MICU3: variants seen among roughly 807,000 people sequenced by gnomAD.
The protein encoded by MICU3 is mitochondrial calcium uptake 3.
In MICU3, 62 loss-of-function variants were observed where a neutral mutation model predicts 66.5. The observed-to-expected ratio is 0.93, with a 90% confidence interval of 0.76 to 1.15. The LOEUF (loss-of-function observed/expected upper bound fraction) is 1.15. Ranked by LOEUF, MICU3 falls within the 50% of genes most tolerant of loss-of-function variation. MICU3 has a pLI of 0.00. For missense variants in MICU3, 779 were observed against 664.4 expected, an observed-to-expected ratio of 1.17 and a Z score of -1.90; for synonymous variants, 308 against 240.7, an observed-to-expected ratio of 1.28 and a Z score of -2.59.
the MICU3 span, chr8:17,131,389 G>A: frequency 1.2e-5 from 1 of 84,512 alleles, no homozygotes; most frequent in Non-Finnish European, 2.3e-5. Context: ...GAAGTTTCTG[G>A]GGTGCCAGGG....
chr8:17,061,168 T>C (rs961552684), intron 1 of MICU3, among the ~76,000 whole-genome samples: 28 of 151,944 alleles, frequency 1.8e-4, no homozygotes, highest in Admixed American at 2.6e-4. Context: ...GTGGCAGTGG[T>C]TTTGATGTGT....
intron 5 of MICU3, among the ~76,000 whole-genome samples, chr8:17,083,635 A>G (rs568497690): frequency 2.3e-4 from 35 of 152,226 alleles, no homozygotes; most frequent in African/African-American, 8.4e-4. Flanking sequence ...GCAGTTTCAG[A>G]CTTTAAATGA....
chr8:17,135,232 C>A, the MICU3 span, among the ~76,000 whole-genome samples: 2 of 152,074 alleles, frequency 1.3e-5, no homozygotes, highest in African/African-American at 4.8e-5. Flanking sequence ...AACCCCATCC[C>A]TACTAGAAAT....
rs111567148 is a variant in MICU3 at position 17,098,508 on chromosome 8, A to C, written c.939A>C (p.Thr313=). Residue 313 remains threonine (T), a synonymous_variant, in exon 9 of 15, where the codon ACA becomes ACC. Transcript: ENST00000318063. ...EELVSRSYWD[T]LRRNTSQALF... ...TTGTCTCCAGAAGCTATTGGGATAC[A>C]CTGAGACGTAACACAAGCCAAGCAC... The C allele has an allele frequency of 3.1e-6, 5 of 1,611,758 alleles. No individual in the cohort carries two copies. In the African/African-American group the frequency reaches 6.7e-5, roughly 22 times the overall value.
intron 12 of MICU3, 71 bp from the exon 13 acceptor site, chr8:17,116,372 C>A: frequency 9.7e-7 from 1 of 1,028,900 alleles, no homozygotes; most frequent in Non-Finnish European, 1.3e-6. Context: ...TCTTTTACAA[C>A]CTTTCTAGTA....
the MICU3 span, chr8:17,131,415 A>C: frequency 6.6e-6 from 1 of 152,242 alleles, no homozygotes; most frequent in African/African-American, 2.4e-5. Flanking sequence ...ATCCACAGAA[A>C]AGTGGAGTCT....
At chr8:17,048,880 G>C (rs1414446249) in intron 1 of MICU3, among the ~76,000 whole-genome samples, 1 of 152,134 alleles carries the variant, frequency 6.6e-6, no homozygotes, top group Non-Finnish European at 1.5e-5. Context: ...CAGCCTCCCA[G>C]AGTGCTGAGA....
At chr8:17,087,351 G>A (rs1486527077) in intron 7 of MICU3, among the ~76,000 whole-genome samples, 2 of 151,966 alleles carry the variant, frequency 1.3e-5, no homozygotes, top group African/African-American at 4.8e-5. Flanking sequence ...ATTTAAAGGT[G>A]AATTGCAAAG....
chr8:17,076,086 G>A (rs1331981511), intron 3 of MICU3, among the ~76,000 whole-genome samples: 2 of 151,974 alleles, frequency 1.3e-5, no homozygotes, highest in East Asian at 3.9e-4. Flanking sequence ...GAGTGCAGTG[G>A]TGTGATCATG....
chr8:17,124,716 C>T (rs973092627), downstream of MICU3, among the ~76,000 whole-genome samples: 1 of 151,742 alleles, frequency 6.6e-6, no homozygotes, highest in South Asian at 2.1e-4. Flanking sequence ...CTGAAAACAC[C>T]TTTATTGTAC....
At chr8:17,133,237 G>A in the MICU3 span, among the ~76,000 whole-genome samples, 1 of 151,690 alleles carries the variant, frequency 6.6e-6, no homozygotes, top group East Asian at 1.9e-4. Context: ...CTATCTAGTT[G>A]TTTGTTTGTT....
chr8:17,098,540 C>G lies in MICU3; in HGVS notation c.971C>G (p.Ser324Ter). Residue 324 changes from serine (S) to a stop codon, truncating the protein, a stop_gained, in exon 9 of 15, where the codon TCA (serine) becomes TGA (stop). Coordinates refer to ENST00000318063, the MANE Select transcript of MICU3 (RefSeq NM_181723.3). LOFTEE classifies it high-confidence loss of function. ...LRRNTSQALF[S>*]DLAERADDIT... Reference sequence around the variant, plus strand: ...CGTAACACAAGCCAAGCACTGTTTTCAGACCTCGCAGAGGTATAATTAAAC... The same window carrying G: ...CGTAACACAAGCCAAGCACTGTTTTGAGACCTCGCAGAGGTATAATTAAAC... 6.2e-7 allele frequency: 1 copy of G among 1,607,168 alleles called. No individual in the cohort carries two copies. Among genetic ancestry groups the G allele is most frequent in the Non-Finnish European group, 8.5e-7 (1 of 1,174,272 alleles).
At chr8:17,107,440 C>CGATGAGTAAGGAGAGGTA (rs1371373552) in intron 11 of MICU3, among the ~76,000 whole-genome samples, 1 of 151,994 alleles carries the variant, frequency 6.6e-6, no homozygotes, top group East Asian at 1.9e-4. Context: ...AAATTGTAGG[C>CGATGAGTAAGGAGAGGTA]GATGAGTAAG....
downstream of MICU3, among the ~76,000 whole-genome samples, chr8:17,123,412 G>A (rs891280438): frequency 2.0e-5 from 3 of 152,098 alleles, no homozygotes; most frequent in Non-Finnish European, 4.4e-5. Flanking sequence ...AGAGAATGGA[G>A]AGGGATCTGA....
intron 8 of MICU3, among the ~76,000 whole-genome samples, chr8:17,097,432 C>T (rs1467928300): frequency 1.3e-5 from 2 of 151,502 alleles, no homozygotes; most frequent in Non-Finnish European, 3.0e-5. Flanking sequence ...CTAAATAATA[C>T]TTTATTTACA....
intron 1 of MICU3, among the ~76,000 whole-genome samples, chr8:17,055,479 A>G (rs1435057524): frequency 1.3e-5 from 2 of 152,186 alleles, no homozygotes; most frequent in Non-Finnish European, 2.9e-5. Context: ...CTCCTTTTCC[A>G]TAATAGTTAG....
At chr8:17,027,909 C>A (rs1811299871) in intron 1 of MICU3, among the ~76,000 whole-genome samples, 1 of 152,104 alleles carries the variant, frequency 6.6e-6, no homozygotes, top group Non-Finnish European at 1.5e-5. Context: ...TCAATCCAAA[C>A]CCAAAACCAA....
At chr8:17,053,835 G>A (rs903733373) in intron 1 of MICU3, among the ~76,000 whole-genome samples, 6 of 152,210 alleles carry the variant, frequency 3.9e-5, no homozygotes, top group Non-Finnish European at 5.9e-5. Context: ...TTTAGCAAAT[G>A]TGAAAAGGGT....
intron 1 of MICU3, among the ~76,000 whole-genome samples, chr8:17,048,958 G>T (rs1815583936): frequency 6.6e-6 from 1 of 152,102 alleles, no homozygotes. Flanking sequence ...TCTGTAATAT[G>T]CTGGGAATTT....
Sources: gnomAD v4.1 joint callset for allele counts (sites outside exome capture counted in the v4.1 genomes callset) on GRCh38, gnomAD v4.1.1 for gene constraint, MANE v1.5 for transcripts, NCBI Gene and HGNC (gene_info 2026-07-23, HGNC 2026-07-21) for gene names.